The following ABTB3 variants were observed in gnomAD, a reference collection of about 807,000 sequenced individuals.
The protein encoded by ABTB3 is ankyrin repeat- and BTB/POZ domain-containing protein 3.
At chr12:107,388,256 G>A in the ABTB3 span, among the ~76,000 whole-genome samples, 83 of 152,138 alleles carry the variant, frequency 5.5e-4, no homozygotes, top group African/African-American at 1.9e-3. Flanking sequence ...ACAGGCATGA[G>A]CCACCGCACC....
At chr12:107,554,348 A>AT in the ABTB3 span, among the ~76,000 whole-genome samples, 18 of 149,076 alleles carry the variant, frequency 1.2e-4, no homozygotes, top group East Asian at 5.9e-4. Context: ...ATAGTTCTAG[A>AT]TTTTTTTTTT....
At chr12:107,511,507 G>A in the ABTB3 span, among the ~76,000 whole-genome samples, 1 of 152,052 alleles carries the variant, frequency 6.6e-6, no homozygotes, top group African/African-American at 2.4e-5. Flanking sequence ...GTCTAGGAGA[G>A]CCTTGGCTCT....
At chr12:107,507,871 C>A in the ABTB3 span, among the ~76,000 whole-genome samples, 2 of 152,246 alleles carry the variant, frequency 1.3e-5, no homozygotes, top group African/African-American at 4.8e-5. Flanking sequence ...ACATGCCACC[C>A]AGGTGGAATA....
the ABTB3 span, among the ~76,000 whole-genome samples, chr12:107,410,227 A>T: frequency 2.9e-3 from 215 of 73,120 alleles, 1 homozygote; most frequent in African/African-American, 0.023. Flanking sequence ...CAGAATTGTT[A>T]AAAAAAAAAA....
the ABTB3 span, among the ~76,000 whole-genome samples, chr12:107,516,106 C>T: frequency 7.3e-5 from 11 of 151,518 alleles, no homozygotes; most frequent in Admixed American, 2.0e-4. Flanking sequence ...CTCTGAGTCA[C>T]AGTCAAAAAT....
the ABTB3 span, among the ~76,000 whole-genome samples, chr12:107,643,380 G>A: frequency 8.0e-6 from 1 of 125,538 alleles, no homozygotes; most frequent in East Asian, 3.1e-4. Flanking sequence ...TCCAGCCTGA[G>A]CAACAGAACA....
At chr12:107,638,973 C>A in the ABTB3 span, among the ~76,000 whole-genome samples, 1 of 152,274 alleles carries the variant, frequency 6.6e-6, no homozygotes, top group African/African-American at 2.4e-5. Context: ...GAGGCTACAG[C>A]AGGGGTGCAT....
chr12:107,377,248 A>G, the ABTB3 span, among the ~76,000 whole-genome samples: 1 of 152,150 alleles, frequency 6.6e-6, no homozygotes, highest in African/African-American at 2.4e-5. Context: ...ACAGCGCTGA[A>G]GCATCATCCT....
chr12:107,459,861 C>T, the ABTB3 span, among the ~76,000 whole-genome samples: 1 of 152,338 alleles, frequency 6.6e-6, no homozygotes. Flanking sequence ...CAGAGTGCCC[C>T]CTACAGCCCG....
chr12:107,381,707 A>T, the ABTB3 span, among the ~76,000 whole-genome samples: 1 of 152,158 alleles, frequency 6.6e-6, no homozygotes, highest in Non-Finnish European at 1.5e-5. Flanking sequence ...TGACTGCAGC[A>T]TGGTGTGGTG....
At chr12:107,616,683 T>C in the ABTB3 span, among the ~76,000 whole-genome samples, 1 of 152,226 alleles carries the variant, frequency 6.6e-6, no homozygotes, top group African/African-American at 2.4e-5. Flanking sequence ...CCTCTGAGGC[T>C]TTGTGTAACC....
At chr12:107,563,697 A>G in the ABTB3 span, among the ~76,000 whole-genome samples, 1 of 152,198 alleles carries the variant, frequency 6.6e-6, no homozygotes, top group Non-Finnish European at 1.5e-5. Context: ...AAGAGGTGAC[A>G]TTGGATCAGT....
At chr12:107,431,613 TACCCGCCCCCGC>T in the ABTB3 span, among the ~76,000 whole-genome samples, 1 of 152,040 alleles carries the variant, frequency 6.6e-6, no homozygotes, top group Non-Finnish European at 1.5e-5. Flanking sequence ...CTGTCCCCAC[TACCCGCCCCCGC>T]ACCCGCCCCC....
At chr12:107,369,724 T>G in the ABTB3 span, among the ~76,000 whole-genome samples, 781 of 148,064 alleles carry the variant, frequency 5.3e-3, 9 homozygotes, top group African/African-American at 0.018. Context: ...TTTTTTTTTT[T>G]TTTTTTTTTT....
chr12:107,431,642 A>G, the ABTB3 span, among the ~76,000 whole-genome samples: 1 of 152,178 alleles, frequency 6.6e-6, no homozygotes, highest in Non-Finnish European at 1.5e-5. Flanking sequence ...CCCCAAAAAA[A>G]GTTAATCCAA....
chr12:107,434,699 C>CAAAAAAAT, the ABTB3 span, among the ~76,000 whole-genome samples: 1 of 151,652 alleles, frequency 6.6e-6, no homozygotes, highest in Non-Finnish European at 1.5e-5. Flanking sequence ...CCCGTCTCTA[C>CAAAAAAAT]AAAAAAATTA....
chr12:107,350,469 C>T, the ABTB3 span, among the ~76,000 whole-genome samples: 1 of 151,624 alleles, frequency 6.6e-6, no homozygotes, highest in Non-Finnish European at 1.5e-5. Context: ...AGGAGAATGG[C>T]ATGAACCCAG....
chr12:107,541,690 C>CAA, the ABTB3 span, among the ~76,000 whole-genome samples: 1 of 152,198 alleles, frequency 6.6e-6, no homozygotes, highest in African/African-American at 2.4e-5. Flanking sequence ...TTCTCAAAGT[C>CAA]TATTGATTTA....
At chr12:107,476,607 G>T in the ABTB3 span, among the ~76,000 whole-genome samples, 1 of 152,030 alleles carries the variant, frequency 6.6e-6, no homozygotes, top group African/African-American at 2.4e-5. Context: ...TGACCCTGCA[G>T]GGAAGGGGAG....
Sources: gnomAD v4.1 joint callset for allele counts (sites outside exome capture counted in the v4.1 genomes callset) on GRCh38, gnomAD v4.1.1 for gene constraint, MANE v1.5 for transcripts, NCBI Gene and HGNC (gene_info 2026-07-23, HGNC 2026-07-21) for gene names.